BRWD1: variants seen among roughly 807,000 people sequenced by gnomAD.
The protein encoded by BRWD1 is bromodomain and WD repeat-containing protein 1.
Under a neutral mutation model 251.2 loss-of-function variants are expected in BRWD1, and 82 were observed. The observed-to-expected ratio is 0.33, with a 90% CI of 0.27 to 0.39. The LOEUF (loss-of-function observed/expected upper bound fraction) is 0.39, where lower values mean the gene tolerates loss of function less well. Among genes scored for constraint, BRWD1 ranks in the 10% least tolerant of loss-of-function variants. BRWD1 has a pLI of 1.00. For synonymous variants in BRWD1, 918 were observed against 902.8 expected, an observed-to-expected ratio of 1.02 and a Z score of -0.30; for missense variants, 2,233 against 2,711.6, an observed-to-expected ratio of 0.82 and a Z score of 3.92.
rs1348882498 is a variant in BRWD1, at chr21:39,198,968, G to C, written c.5448C>G (p.Thr1816=). Residue 1816 remains threonine (T), a synonymous_variant, in exon 40 of 41, where the codon ACC becomes ACG. Transcript: ENST00000342449. ...FHKNASFFKK[T]KILSDSEDSE... Reference sequence around the variant, plus strand: ...AGTCTTCTGAGTCACTCAGAATCTTGGTTTTTTTAAAGAAACTCGCATTCT... The same window carrying C: ...AGTCTTCTGAGTCACTCAGAATCTTCGTTTTTTTAAAGAAACTCGCATTCT... The C allele has an allele frequency of 1.9e-6, 3 of 1,613,754 alleles. No individual in the cohort carries two copies. Among genetic ancestry groups the C allele is most frequent in the African/African-American group, 2.7e-5 (2 of 74,830 alleles).
At chr21:39,313,792 G>C, upstream of BRWD1, 2 of 382,126 alleles carry the variant, frequency 5.2e-6, no homozygotes, top group South Asian at 5.8e-5. Flanking sequence ...GACTCGATGA[G>C]GAGAAAGTGA....
In BRWD1 at chr21:39,199,150, A is replaced by T; in HGVS notation, c.5266T>A (p.Ser1756Thr). 10 of 1,614,036 alleles carry T rather than the reference A, an allele frequency of 6.2e-6. No individual in the cohort carries two copies. Among genetic ancestry groups the T allele is most frequent in the Non-Finnish European group, 7.6e-6 (9 of 1,180,016 alleles). ...TCATGACTTTTAGAGTCTTCCTCAG[A>T]AGACTCTATTTTAAGAAATTTTGTC... ...SKTKFLKIES[S>T]EEDSKSHDSD... is the part of the protein sequence containing the mutation. Residue 1756 changes from serine to threonine, a missense_variant, in exon 40 of 41, where the codon TCT (serine) becomes ACT (threonine). Coordinates refer to ENST00000342449, the MANE Select transcript of BRWD1 (RefSeq NM_033656.4).
At chr21:39,231,138 T>C (rs573639777) in intron 25 of BRWD1, among the ~76,000 whole-genome samples, 2 of 152,302 alleles carry the variant, frequency 1.3e-5, no homozygotes, top group Admixed American at 1.3e-4. Context: ...ATAACTAGCA[T>C]TTTCTTCATT....
At position 39,238,569 on chromosome 21, in the gene BRWD1, G is replaced by A; in HGVS notation, c.2486C>T (p.Thr829Ile). ...AGAACCTTCACTCTGATCACAGGAA[G>A]TCTCCTAATTTGTGAAGGGGGGAAA... Reference protein sequence around the residue: ...NESSSSVRHETSCDQSEGSGS... With the variant: ...NESSSSVRHEISCDQSEGSGS... The change falls in exon 22 of 41, where the codon ACT becomes ATT. Residue 829 changes from threonine (T) to isoleucine (I), a missense_variant. Physicochemically the swap from Thr to Ile is moderately conservative, Grantham distance 89. Coordinates refer to ENST00000342449, the MANE Select transcript of BRWD1 (RefSeq NM_033656.4). The A allele has an allele frequency of 6.2e-7, 1 of 1,611,838 alleles. No homozygotes were observed. Among genetic ancestry groups the A allele is most frequent in the Non-Finnish European group, 8.5e-7 (1 of 1,178,432 alleles).
intron 15 of BRWD1, among the ~76,000 whole-genome samples, chr21:39,269,126 C>T (rs1541100): frequency 0.93 from 141,087 of 152,242 alleles, 65,716 homozygotes; most frequent in African/African-American, 0.97. Context: ...CCTGACTAGA[C>T]AATGCTATCT....
chr21:39,312,968 CGGGGGCGGGCGGCG>C, intron 3 of BRWD1, 68 bp from the exon 4 acceptor site: 1 of 531,626 alleles, frequency 1.9e-6, no homozygotes, highest in Non-Finnish European at 2.2e-6. Context: ...GGCGGGGGGC[CGGGGGCGGGCGGCG>C]GGCGGCGGGC....
chr21:39,258,104 A>C (rs1047794177), intron 18 of BRWD1, among the ~76,000 whole-genome samples: 15 of 152,198 alleles, frequency 9.9e-5, no homozygotes, highest in African/African-American at 3.6e-4. Flanking sequence ...AAACTCACTA[A>C]GTTTTCAAAC....
chr21:39,228,352 A>T, intron 27 of BRWD1, 148 bp downstream of exon 27: 3 of 591,364 alleles, frequency 5.1e-6, no homozygotes, highest in Non-Finnish European at 9.1e-6. Flanking sequence ...CCAAGCCGTA[A>T]GCAAAATATA....
chr21:39,294,073 A>C (rs757613082), intron 7 of BRWD1, 41 bp from the exon 8 acceptor site: 5 of 1,504,252 alleles, frequency 3.3e-6, no homozygotes, highest in African/African-American at 1.4e-5. Flanking sequence ...TAGTACAGCA[A>C]ATCTTTTAAA....
rs2031418026 is a variant in BRWD1, at chr21:39,189,261, T to C, written c.*6998A>G. ...TTTGCATTTGGAAGAAAAGAACAGA[T>C]AACTGGTTCATTCCCAACAACCTAT... is the stretch of plus-strand genomic sequence containing the variant. On this transcript the variant is annotated 3_prime_UTR_variant, in exon 41 of 41. Coordinates refer to ENST00000342449, the MANE Select transcript of BRWD1 (RefSeq NM_033656.4). 7.1e-6 allele frequency: 7 copies of C among 984,510 alleles called. No homozygotes were observed. Among genetic ancestry groups the C allele is most frequent in the Non-Finnish European group, 8.4e-6 (7 of 829,098 alleles). The allele number at this position is 984,510 out of a possible 1,614,324, so 61.0% of individuals were successfully genotyped here.
chr21:39,227,984 C>A (rs1300873889), intron 27 of BRWD1, among the ~76,000 whole-genome samples: 4 of 151,992 alleles, frequency 2.6e-5, no homozygotes, highest in Non-Finnish European at 5.9e-5. Context: ...AAAAGTTGCT[C>A]GTCTAAAAAA....
Position 39,199,117 on chromosome 21 carries a change from G to C in BRWD1, c.5299C>G (p.His1767Asp), listed in dbSNP as rs761107288. Reference protein sequence around the residue: ...EEDSKSHDSDHACNRTAGPST... With the variant: ...EEDSKSHDSDDACNRTAGPST... ...GGGCCAGCAGTTCTGTTACATGCAT[G>C]ATCTGAATCATGACTTTTAGAGTCT... Residue 1767 changes from histidine (H) to aspartate (D), a missense_variant, in exon 40 of 41, where the codon CAT becomes GAT. This residue lies in a region of BRWD1 where 928 missense variants were observed against 970.0 expected (regional missense o/e 0.96). Transcript: ENST00000342449. 3 of 1,613,974 alleles carry C rather than the reference G, an allele frequency of 1.9e-6. No homozygotes were observed. The highest frequency in any genetic ancestry group is 2.2e-5 in the South Asian group (2 of 91,060).
rs2031605684 is a variant in BRWD1 at position 39,192,527 on chromosome 21, T to C, written c.*3732A>G. On this transcript the variant is annotated 3_prime_UTR_variant, in exon 41 of 41. Coordinates refer to ENST00000342449, the MANE Select transcript of BRWD1 (RefSeq NM_033656.4). ...AACAGGTGAAAAGTTCTACAATGAC[T>C]TGTTGCACTCTATCACATTAAAATA... 1 of 984,284 alleles carries C rather than the reference T, an allele frequency of 1.0e-6. No homozygotes were observed. Among genetic ancestry groups the C allele is most frequent in the African/African-American group, 1.7e-5 (1 of 57,188 alleles). The allele number at this position is 984,284 out of a possible 1,614,324, so 61.0% of individuals were successfully genotyped here.
Position 39,194,336 on chromosome 21 carries a change from G to A in BRWD1, c.*1923C>T. On this transcript the variant is annotated 3_prime_UTR_variant, in exon 41 of 41. Transcript: ENST00000342449. ...CCTGAGAACAGATTATAAAAGAGAA[G>A]GTTAAGAAGAGTTTAAATAAATTAA... 9.7e-7 allele frequency: 1 copy of A among 1,027,328 alleles called. No homozygotes were observed. Among genetic ancestry groups the A allele is most frequent in the Non-Finnish European group, 1.2e-6 (1 of 856,306 alleles). The allele number at this position is 1,027,328 out of a possible 1,614,324, so 63.6% of individuals were successfully genotyped here.
intron 21 of BRWD1, among the ~76,000 whole-genome samples, chr21:39,240,222 T>C (rs976858391): frequency 4.6e-5 from 7 of 152,164 alleles, no homozygotes. Flanking sequence ...AAATCAGTGA[T>C]TGTCAGGGGC....
chr21:39,239,600 GTCA>G, intron 21 of BRWD1, among the ~76,000 whole-genome samples: 1 of 152,274 alleles, frequency 6.6e-6, no homozygotes, highest in Admixed American at 6.5e-5. Flanking sequence ...CAAGTAGAGT[GTCA>G]GTCTTTCAGT....
intron 18 of BRWD1, among the ~76,000 whole-genome samples, chr21:39,257,130 A>C (rs865779409): frequency 2.0e-5 from 3 of 152,140 alleles, no homozygotes; most frequent in Admixed American, 6.5e-5. Context: ...AAAGCATAAG[A>C]AACAACCTAA....
intron 8 of BRWD1, among the ~76,000 whole-genome samples, chr21:39,286,530 T>G (rs1207716442): frequency 7.5e-6 from 1 of 133,912 alleles, no homozygotes; most frequent in Non-Finnish European, 1.7e-5. Flanking sequence ...CTTTTTTTTT[T>G]TTGAGACAGA....
Position 39,215,302 on chromosome 21 carries a change from G to A in BRWD1, c.3720C>T (p.Asn1240=), listed in dbSNP as rs759950350. The change falls in exon 32 of 41, where the codon AAC becomes AAT. Residue 1240 remains asparagine (N), a synonymous_variant. Transcript: ENST00000342449. The part of the protein sequence containing the change: ...RYIEHNARTF[N]EPESVIARSA... ...ATCTTGCAATTACACTCTCAGGTTC[G>A]TTAAATGTTCTGGCATTATGTTCTA... The A allele has an allele frequency of 6.8e-6, 11 of 1,612,698 alleles. No individual in the cohort carries two copies. Among genetic ancestry groups the A allele is most frequent in the African/African-American group, 2.7e-5 (2 of 74,852 alleles).
Sources: allele counts gnomAD v4.1 joint callset (sites outside exome capture counted in the v4.1 genomes callset), GRCh38; gene constraint gnomAD v4.1.1; regional missense constraint gnomAD v4.1.1; transcripts MANE v1.5; gene names NCBI Gene and HGNC (gene_info 2026-07-23, HGNC 2026-07-21).